The following ARHGAP36 variants were observed in gnomAD, a reference collection of about 807,000 sequenced individuals.
The protein encoded by ARHGAP36 is rho GTPase-activating protein 36.
ARHGAP36 carries 7 observed loss-of-function variants against 32.9 expected under a neutral mutation model. The observed-to-expected ratio is 0.21, with a 90% CI of 0.12 to 0.40. ARHGAP36 has a LOEUF of 0.40. ARHGAP36 is among the 10% of genes least tolerant of loss of function. The pLI is 1.00. For missense variants in ARHGAP36, 383 were observed against 442.2 expected, an observed-to-expected ratio of 0.87 and a Z score of 1.20; for synonymous variants, 165 against 168.3, an observed-to-expected ratio of 0.98 and a Z score of 0.15.
At position 131,088,774 on chromosome X, in the gene ARHGAP36, T is replaced by A. The variant is rs2079850658; in HGVS notation, c.1633T>A (p.Phe545Ile). ...GGAGGCCAAAACTGGCGTCAGCTACTTCTTTCCTTAGATGTTTTTCCTTCT... is the reference window on the plus strand; with the variant it reads ...GGAGGCCAAAACTGGCGTCAGCTACATCTTTCCTTAGATGTTTTTCCTTCT... ...EKEAKTGVSY[F>I]FP Residue 545 changes from phenylalanine to isoleucine, a missense_variant, in exon 12 of 12, where the codon TTC (phenylalanine) becomes ATC (isoleucine). By Grantham distance (21) the Phe-to-Ile change is conservative. Around this residue, in one of 2 missense-constraint regions of ARHGAP36, gnomAD observed 227 missense variants for 311.3 expected, o/e 0.73. Transcript: ENST00000276211. 1 of 1,205,902 alleles carries A rather than the reference T, an allele frequency of 8.3e-7. No individual in the cohort carries two copies. The highest frequency in any genetic ancestry group is 1.8e-5 in the African/African-American group (1 of 56,997).
At chrX:131,088,028 G>A (rs543909896) in intron 11 of ARHGAP36, among the ~76,000 whole-genome samples, 33 of 112,596 alleles carry the variant, frequency 2.9e-4, no homozygotes, top group African/African-American at 1.0e-3. Flanking sequence ...AGAAGTCATG[G>A]ATGTGGAAGA....
chrX:131,068,847 C>T (rs991889462), intron 1 of ARHGAP36, among the ~76,000 whole-genome samples: 1 of 111,689 alleles, frequency 9.0e-6, no homozygotes, highest in African/African-American at 3.3e-5. Flanking sequence ...CTCAAAGCAT[C>T]ACATTTTCTA....
chrX:131,084,776 G>A, intron 6 of ARHGAP36, 95 bp downstream of exon 6: 1 of 1,164,458 alleles, frequency 8.6e-7, no homozygotes, highest in Non-Finnish European at 1.2e-6. Flanking sequence ...GTGGGGGGAG[G>A]AGCAGGGTCT....
Position 131,083,234 on chromosome X carries a change from AG to A in ARHGAP36, c.319+9del. 1.2e-5 allele frequency: 14 copies of A among 1,205,838 alleles called. No individual in the cohort carries two copies. Among genetic ancestry groups the A allele is most frequent in the Non-Finnish European group, 1.6e-5 (14 of 892,226 alleles). On this transcript the variant is annotated splice_donor_5th_base_variant and intron_variant, in intron 3 of 11. Transcript: ENST00000276211. ...ATTTTGAGAGGACAGCAGAGGGGTG[AG>A]GGGGCTCTTGTATTTTCTTTAGAAA...
chrX:131,077,509 C>T (rs966223600), intron 1 of ARHGAP36, among the ~76,000 whole-genome samples: 4 of 110,342 alleles, frequency 3.6e-5, no homozygotes, highest in Non-Finnish European at 7.6e-5. Context: ...ATCATGAAGG[C>T]TGTAGATTTA....
chrX:131,074,301 G>C (rs1209573809), intron 1 of ARHGAP36, among the ~76,000 whole-genome samples: 1 of 109,358 alleles, frequency 9.1e-6, no homozygotes, highest in African/African-American at 3.3e-5. Flanking sequence ...CTCTCTTGTA[G>C]TGAGTACATC....
chrX:131,079,544 T>TG (rs2079783250), intron 1 of ARHGAP36, among the ~76,000 whole-genome samples: 1 of 63,695 alleles, frequency 1.6e-5, no homozygotes, highest in Non-Finnish European at 3.5e-5. Flanking sequence ...TTTGTTTGTT[T>TG]TTTGTTTTTT....
intron 11 of ARHGAP36, 112 bp from the exon 12 acceptor site, chrX:131,088,516 C>A: frequency 1.3e-6 from 1 of 741,467 alleles, no homozygotes; most frequent in Non-Finnish European, 1.9e-6. Context: ...CCTGTCCTAC[C>A]TTCTTGCCTC....
chrX:131,063,044 A>C (rs1037065468), intron 1 of ARHGAP36, among the ~76,000 whole-genome samples: 5 of 112,367 alleles, frequency 4.4e-5, no homozygotes, highest in African/African-American at 1.6e-4. Flanking sequence ...TTATTTGATT[A>C]TCTATAAATT....
At chrX:131,058,509 CCCCTCTGGGCGCCCTGGGG>C (rs1476783281) in intron 1 of ARHGAP36, 65 bp downstream of exon 1, 14 of 933,444 alleles carry the variant, frequency 1.5e-5, no homozygotes, top group Non-Finnish European at 1.9e-5. Context: ...CGGCTGCAGC[CCCCTCTGGGCGCCCTGGGG>C]CTTGGCTGGT....
At position 131,084,409 on chromosome X, in the gene ARHGAP36, T is replaced by C. The variant is rs762032019; in HGVS notation, c.748+2T>C. The C allele has an allele frequency of 8.3e-7, 1 of 1,199,538 alleles. No individual in the cohort carries two copies. On this transcript the variant is annotated splice_donor_variant, in intron 5 of 11. Transcript: ENST00000276211. LOFTEE classifies it high-confidence loss of function. The stretch of plus-strand genomic sequence containing the variant: ...GCTGCCAATTCATTGAAAAACATGG[T>C]AAGGGAGCTGCAAATGGGTAAATCA...
intron 1 of ARHGAP36, among the ~76,000 whole-genome samples, 165 bp from the exon 2 acceptor site, chrX:131,081,359 T>A (rs1351973363): frequency 9.0e-6 from 1 of 111,550 alleles, no homozygotes; most frequent in Non-Finnish European, 1.9e-5. Context: ...GAAAATACTA[T>A]CTTATTTTTG....
chrX:131,088,451 C>T (rs2079847513), intron 11 of ARHGAP36, among the ~76,000 whole-genome samples, 177 bp from the exon 12 acceptor site: 1 of 112,070 alleles, frequency 8.9e-6, no homozygotes, highest in East Asian at 2.8e-4. Context: ...ATTCAGAGAT[C>T]TGTGTTCTGC....
chrX:131,069,676 T>A (rs1158001239), intron 1 of ARHGAP36, among the ~76,000 whole-genome samples: 1 of 111,388 alleles, frequency 9.0e-6, no homozygotes, highest in African/African-American at 3.3e-5. Flanking sequence ...ATATGCTGTA[T>A]TTAAGGGAAA....
At chrX:131,060,634 C>G (rs2079663705) in intron 1 of ARHGAP36, among the ~76,000 whole-genome samples, 1 of 112,289 alleles carries the variant, frequency 8.9e-6, no homozygotes, top group African/African-American at 3.2e-5. Context: ...TGTTTGAACT[C>G]AAGTGTAAGA....
Position 131,089,012 on chromosome X carries a change from C to A in ARHGAP36, c.*227C>A. 2.5e-6 allele frequency: 1 copy of A among 406,240 alleles called. No individual in the cohort carries two copies. The allele number at this position is 406,240 out of a possible 1,213,427, so 33.5% of individuals were successfully genotyped here. Reference sequence around the variant, plus strand: ...AGCAGAGATGTTTCTGTGTCATGCCCAAGCTCCCCGGTGCTACCTTGCCTT... The same window carrying A: ...AGCAGAGATGTTTCTGTGTCATGCCAAAGCTCCCCGGTGCTACCTTGCCTT... On this transcript the variant is annotated 3_prime_UTR_variant, in exon 12 of 12. Coordinates refer to ENST00000276211, the MANE Select transcript of ARHGAP36 (RefSeq NM_144967.4).
In ARHGAP36 at chrX:131,084,296, T is replaced by C. The variant is rs770360336; in HGVS notation, c.637T>C (p.Phe213Leu). ...LQTLQLSKISFPIGQRLLGSK... is the reference protein window; with the variant it reads ...LQTLQLSKISLPIGQRLLGSK... The stretch of plus-strand genomic sequence containing the variant: ...GACCCTGCAGCTTTCAAAAATTTCC[T>C]TTCCAATTGGCCAACGACTTCTGGG... Residue 213 changes from phenylalanine (F) to leucine (L), a missense_variant, in exon 5 of 12, where the codon TTT becomes CTT. Physicochemically the swap from Phe to Leu is conservative, Grantham distance 22 (BLOSUM62 0). Transcript: ENST00000276211. The C allele has an allele frequency of 8.3e-7, 1 of 1,211,951 alleles. No homozygotes were observed. The highest frequency in any genetic ancestry group is 2.2e-5 in the Admixed American group (1 of 46,103).
intron 5 of ARHGAP36, 70 bp downstream of exon 5, chrX:131,084,477 G>A (rs9306826): frequency 0.14 from 156,607 of 1,153,564 alleles, 11,290 homozygotes; most frequent in African/African-American, 0.51. Flanking sequence ...TGGAAATGGG[G>A]GGAGAAAAGA....
In ARHGAP36 at chrX:131,083,855, G is replaced by A. The variant is rs771714456; in HGVS notation, c.441G>A (p.Ala147=). 42 of 1,212,296 alleles carry A rather than the reference G, an allele frequency of 3.5e-5. No individual in the cohort carries two copies. Among genetic ancestry groups the A allele is most frequent in the South Asian group, 8.8e-5 (5 of 57,019 alleles). Residue 147 remains alanine, a synonymous_variant, in exon 4 of 12, where the codon GCG becomes GCA. Transcript: ENST00000276211. The part of the protein sequence containing the change: ...MQVEEATGQA[A]GRRRGNVVRR... The stretch of plus-strand genomic sequence containing the variant: ...TTGAAGAAGCCACCGGTCAGGCTGC[G>A]GGCCGTCGTCGGGGAAACGTGGTGC...
Sources: allele counts gnomAD v4.1 joint callset (sites outside exome capture counted in the v4.1 genomes callset), GRCh38; gene constraint gnomAD v4.1.1; regional missense constraint gnomAD v4.1.1; transcripts MANE v1.5; gene names NCBI Gene and HGNC (gene_info 2026-07-23, HGNC 2026-07-21).